The following VIT variants were observed in gnomAD, a reference collection of about 807,000 sequenced individuals.
VIT encodes vitrin.
VIT carries 99 observed loss-of-function variants against 78.0 expected under a neutral mutation model. The observed-to-expected ratio is 1.27, with a 90% CI of 1.08 to 1.50. VIT has a LOEUF of 1.50. Among genes scored for constraint, VIT ranks in the 40% most tolerant of loss-of-function variants. VIT has a pLI of 0.00. For missense variants in VIT, 1,126 were observed against 875.3 expected, an observed-to-expected ratio of 1.29 and a Z score of -3.61; for synonymous variants, 374 against 334.3, an observed-to-expected ratio of 1.12 and a Z score of -1.29.
chr2:36,790,262 G>A (rs1241687481), intron 12 of VIT, among the ~76,000 whole-genome samples: 2 of 152,116 alleles, frequency 1.3e-5, no homozygotes, highest in African/African-American at 4.8e-5. Context: ...AGTGTTCACA[G>A]GACTGATGAG....
In VIT at chr2:36,734,643, G is replaced by C. The variant is rs56275405; in HGVS notation, c.118+5152G>C. On this transcript the variant is annotated intron_variant, in intron 3 of 15. Coordinates refer to ENST00000379242, the MANE Select transcript of VIT (RefSeq NM_053276.4). ...CCTTGGACTTGGCTTGAAAACGCCT[G>C]CCATTCCAGTACATCTATTCTGCCT... Among the ~76,000 whole-genome samples the C allele has an allele frequency of 4.9e-3, 747 of 152,312 alleles. 1 individual carries two copies. The highest frequency in any genetic ancestry group is 0.017 in the African/African-American group (713 of 41,578).
intron 2 of VIT, among the ~76,000 whole-genome samples, chr2:36,717,338 G>A (rs1260926510): frequency 1.4e-3 from 8 of 5,846 alleles, no homozygotes; most frequent in South Asian, 0.013. Context: ...TGGCTAATGT[G>A]TGTGTGTGTG....
At chr2:36,743,002 C>T in intron 3 of VIT, 98 bp from the exon 4 acceptor site, 1 of 1,506,684 alleles carries the variant, frequency 6.6e-7, no homozygotes, top group Non-Finnish European at 9.0e-7. Flanking sequence ...CAGGCTCTGG[C>T]TTTTAGAGAT....
At chr2:36,700,436 CCAA>C (rs1021888502) in intron 1 of VIT, among the ~76,000 whole-genome samples, 11 of 151,816 alleles carry the variant, frequency 7.2e-5, no homozygotes, top group Non-Finnish European at 1.6e-4. Context: ...AACCATCACC[CCAA>C]CAACAACAAC....
rs12373784 is a variant in VIT, at chr2:36,795,369, A to G, written c.1059-5932A>G. On this transcript the variant is annotated intron_variant, in intron 12 of 15. Coordinates refer to ENST00000379242, the MANE Select transcript of VIT (RefSeq NM_053276.4). Reference sequence around the variant, plus strand: ...TATTTTATTTTATTTTATTTTATTTATTTTATTTTATTTTATATTTTATTT... The same window carrying G: ...TATTTTATTTTATTTTATTTTATTTGTTTTATTTTATTTTATATTTTATTT... Among the ~76,000 whole-genome samples the G allele has an allele frequency of 5.4e-4, 34 of 62,450 alleles. 1 individual carries two copies. The highest frequency in any genetic ancestry group is 8.4e-4 in the Non-Finnish European group (25 of 29,708). 41.0% of individuals were successfully genotyped at this position (62,450 alleles called of 152,430 possible). A position where few individuals can be genotyped will look rare whatever the true frequency, so the allele number is the denominator to read the frequency against.
chr2:36,759,114 T>C (rs780613351), intron 6 of VIT, 68 bp downstream of exon 6: 21 of 1,614,044 alleles, frequency 1.3e-5, no homozygotes, highest in Non-Finnish European at 1.7e-5. Context: ...TTTTGGGAGA[T>C]AGCGGAGAAA....
intron 12 of VIT, among the ~76,000 whole-genome samples, chr2:36,797,853 G>T (rs1167078382): frequency 6.6e-6 from 1 of 152,170 alleles, no homozygotes; most frequent in Non-Finnish European, 1.5e-5. Flanking sequence ...TTAATTGAGT[G>T]CCTGTAGGCG....
rs775954409 is a variant in VIT, at chr2:36,808,475, G to A, written c.1393G>A (p.Val465Met). 1.2e-4 allele frequency: 189 copies of A among 1,602,738 alleles called. No individual in the cohort carries two copies. The highest frequency in any genetic ancestry group is 1.5e-4 in the Non-Finnish European group (176 of 1,171,550). The stretch of plus-strand genomic sequence containing the variant: ...GTCCCTCCCCTCTGTCTTCTAGGCC[G>A]TGTGCAGAACAAACGGCTTCTACTC... ...VVEPNFANKAVCRTNGFYSLH... is the reference protein window; with the variant it reads ...VVEPNFANKAMCRTNGFYSLH... The change falls in exon 15 of 16, where the codon GTG (valine) becomes ATG (methionine). Residue 465 changes from valine (V) to methionine (M), a missense_variant. By Grantham distance (21) the Val-to-Met change is conservative. Coordinates refer to ENST00000379242, the MANE Select transcript of VIT (RefSeq NM_053276.4).
chr2:36,734,930 G>A (rs1425858457), intron 3 of VIT, among the ~76,000 whole-genome samples: 5 of 152,120 alleles, frequency 3.3e-5, no homozygotes, highest in African/African-American at 9.7e-5. Flanking sequence ...TTGGGAGGCC[G>A]AGGCAGGTGG....
intron 5 of VIT, among the ~76,000 whole-genome samples, chr2:36,758,255 C>T (rs1029776849): frequency 1.5e-4 from 23 of 152,196 alleles, no homozygotes; most frequent in African/African-American, 3.6e-4. Flanking sequence ...AAAATTCAAC[C>T]GTTACCAAGT....
intron 15 of VIT, among the ~76,000 whole-genome samples, chr2:36,813,037 A>C (rs1298107628): frequency 2.1e-4 from 3 of 14,512 alleles, no homozygotes; most frequent in African/African-American, 4.7e-4. Flanking sequence ...AATTTTTTGC[A>C]AAAAAAAAAA....
chr2:36,731,926 T>A (rs747386916), intron 3 of VIT, among the ~76,000 whole-genome samples: 3 of 152,250 alleles, frequency 2.0e-5, no homozygotes, highest in Non-Finnish European at 4.4e-5. Context: ...CCTCCTTTTT[T>A]CTTCTGCTCT....
At chr2:36,787,343 G>A (rs1665176082) in intron 12 of VIT, 67 bp downstream of exon 12, 1 of 1,550,160 alleles carries the variant, frequency 6.5e-7, no homozygotes, top group Admixed American at 2.0e-5. Flanking sequence ...TATGCCACGT[G>A]CTTAATTTTA....
At chr2:36,751,067 C>T (rs1284016685) in intron 4 of VIT, among the ~76,000 whole-genome samples, 6 of 152,144 alleles carry the variant, frequency 3.9e-5, no homozygotes, top group African/African-American at 7.2e-5. Flanking sequence ...CAAGACCAGC[C>T]AGGCCAACGT....
intron 12 of VIT, among the ~76,000 whole-genome samples, chr2:36,789,577 A>C (rs571311043): frequency 6.6e-6 from 1 of 152,208 alleles, no homozygotes; most frequent in South Asian, 2.1e-4. Context: ...ACATTTATTC[A>C]GCAGAAACTG....
chr2:36,730,286 G>GAA lies in VIT; in HGVS notation c.118+807_118+808dup, dbSNP rs200786808. 5.3e-4 allele frequency among the ~76,000 whole-genome samples: 73 copies of GAA among 137,382 alleles called. 2 individuals carry two copies. In the East Asian group the frequency reaches 9.9e-3, roughly 19 times the overall value. The allele number at this position is 137,382 out of a possible 152,430, so 90.1% of individuals were successfully genotyped here. A position where few individuals can be genotyped will look rare whatever the true frequency, so the allele number is the denominator to read the frequency against. On this transcript the variant is annotated intron_variant, in intron 3 of 15. Coordinates refer to ENST00000379242, the MANE Select transcript of VIT (RefSeq NM_053276.4). Reference sequence around the variant, plus strand: ...CTGGGCCACAGAGTGAGACTGTGTGGAAAAAAAAAAAAACAGGGGGAAAAA... The same window carrying GAA: ...CTGGGCCACAGAGTGAGACTGTGTGGAAAAAAAAAAAAAAACAGGGGGAAAAA...
At chr2:36,770,851 C>T (rs1331007469) in intron 7 of VIT, among the ~76,000 whole-genome samples, 2 of 152,158 alleles carry the variant, frequency 1.3e-5, no homozygotes, top group African/African-American at 2.4e-5. Flanking sequence ...TTGAACTTGT[C>T]CACAACCAAG....
At position 36,805,510 on chromosome 2, in the gene VIT, TG is replaced by T. The variant is rs1385982949; in HGVS notation, c.1237del (p.Val413TrpfsTer3). 1 of 1,613,960 alleles carries T rather than the reference TG, an allele frequency of 6.2e-7. No homozygotes were observed. The highest frequency in any genetic ancestry group is 8.5e-7 in the Non-Finnish European group (1 of 1,179,948). ...ANGNRSGAPN[V>X]VVVMVDGWPT... Reference sequence around the variant, plus strand: ...GGAAACAGAAGCGGGGCTCCCAATGTGGTGGTGGTGATGGTGGATGGCTGGC... The same window carrying T: ...GGAAACAGAAGCGGGGCTCCCAATGTGTGGTGGTGATGGTGGATGGCTGGC... On this transcript the variant is annotated frameshift_variant, in exon 14 of 16. Coordinates refer to ENST00000379242, the MANE Select transcript of VIT (RefSeq NM_053276.4). LOFTEE classifies it high-confidence loss of function.
At chr2:36,798,759 G>A (rs1440831463) in intron 12 of VIT, among the ~76,000 whole-genome samples, 2 of 151,644 alleles carry the variant, frequency 1.3e-5, no homozygotes, top group Non-Finnish European at 2.9e-5. Flanking sequence ...ACTCCATCTC[G>A]AAAAAAATAA....
Sources: allele counts gnomAD v4.1 joint callset (sites outside exome capture counted in the v4.1 genomes callset), GRCh38; gene constraint gnomAD v4.1.1; transcripts MANE v1.5; gene names NCBI Gene and HGNC (gene_info 2026-07-23, HGNC 2026-07-21).